The following RAP1GDS1 variants were observed in gnomAD, a reference collection of about 807,000 sequenced individuals.
The protein encoded by RAP1GDS1 is RAP1, GTP-GDP dissociation stimulator 1.
A neutral mutation model predicts 71.1 loss-of-function variants in RAP1GDS1; 35 were observed. The ratio of observed to expected loss-of-function variants is 0.49; its 90% CI spans 0.38 to 0.65. The LOEUF (loss-of-function observed/expected upper bound fraction) is 0.65, where lower values mean the gene tolerates loss of function less well. Ranked by LOEUF, RAP1GDS1 falls within the 30% of genes least tolerant of loss-of-function variation. The pLI, the probability that RAP1GDS1 is intolerant of heterozygous loss-of-function variation, is 0.00. For missense variants in RAP1GDS1, 663 were observed against 706.1 expected (o/e 0.94, Z 0.69); for synonymous variants, 229 against 243.1 (o/e 0.94, Z 0.54).
intron 12 of RAP1GDS1, among the ~76,000 whole-genome samples, 199 bp from the exon 13 acceptor site, chr4:98,433,737 A>T (rs1750773073): frequency 6.6e-6 from 1 of 152,178 alleles, no homozygotes; most frequent in Non-Finnish European, 1.5e-5. Flanking sequence ...TAGGCAATTT[A>T]AGTTGTCATC....
chr4:98,426,941 C>G (rs372714794), intron 12 of RAP1GDS1, among the ~76,000 whole-genome samples: 1 of 152,030 alleles, frequency 6.6e-6, no homozygotes, highest in East Asian at 1.9e-4. Context: ...GACCAAAATC[C>G]CTGATGAACA....
At chr4:98,340,872 A>T (rs1735411607) in intron 2 of RAP1GDS1, among the ~76,000 whole-genome samples, 1 of 152,074 alleles carries the variant, frequency 6.6e-6, no homozygotes, top group Non-Finnish European at 1.5e-5. Context: ...GACCTACTTG[A>T]GGAGGGAGGG....
intron 12 of RAP1GDS1, among the ~76,000 whole-genome samples, chr4:98,422,426 C>A (rs534455641): frequency 6.6e-6 from 1 of 151,348 alleles, no homozygotes; most frequent in Admixed American, 6.6e-5. Flanking sequence ...CCATGTTGGC[C>A]AGGCTGGCCT....
intron 13 of RAP1GDS1, 92 bp from the exon 14 acceptor site, chr4:98,436,848 G>T (rs6831386): frequency 0.016 from 20,970 of 1,285,368 alleles, 650 homozygotes; most frequent in African/African-American, 0.13. Context: ...CATTTAGAAG[G>T]TTTCGTATGG....
rs143026838 is a variant in RAP1GDS1 at position 98,358,956 on chromosome 4, A to G, written c.361+6355A>G. On this transcript the variant is annotated intron_variant, in intron 4 of 14. Coordinates refer to ENST00000408927, the MANE Select transcript of RAP1GDS1 (RefSeq NM_001100427.2). ...TCTAAATAAAAAGTTTTAAAACCTC[A>G]CCTATCCAGAAAGCATATATATTCT... 5.3e-3 allele frequency among the ~76,000 whole-genome samples: 809 copies of G among 151,878 alleles called. 3 individuals are homozygous for G. Among genetic ancestry groups the G allele is most frequent in the Non-Finnish European group, 9.1e-3 (618 of 67,900 alleles).
chr4:98,438,507 CTTCT>C (rs1276971107), intron 14 of RAP1GDS1, among the ~76,000 whole-genome samples: 2 of 137,692 alleles, frequency 1.5e-5, no homozygotes, highest in African/African-American at 2.7e-5. Context: ...TGTCACATTT[CTTCT>C]TTATTTCTGA....
chr4:98,343,602 T>C (rs1735805334), intron 3 of RAP1GDS1, among the ~76,000 whole-genome samples: 1 of 152,220 alleles, frequency 6.6e-6, no homozygotes, highest in Non-Finnish European at 1.5e-5. Context: ...TTTTTAAATA[T>C]TTATGTTTGT....
chr4:98,326,419 C>T (rs528036218), intron 2 of RAP1GDS1, among the ~76,000 whole-genome samples: 125 of 152,274 alleles, frequency 8.2e-4, no homozygotes, highest in African/African-American at 2.9e-3. Flanking sequence ...TCTTGAACCT[C>T]ATTCGATAAC....
At chr4:98,389,716 A>T (rs905574338) in intron 5 of RAP1GDS1, among the ~76,000 whole-genome samples, 1 of 152,176 alleles carries the variant, frequency 6.6e-6, no homozygotes, top group African/African-American at 2.4e-5. Flanking sequence ...GCGCTATAAC[A>T]TTTCTTTACT....
intron 4 of RAP1GDS1, among the ~76,000 whole-genome samples, chr4:98,353,406 G>A (rs970522797): frequency 3.3e-5 from 5 of 151,962 alleles, no homozygotes; most frequent in Admixed American, 6.6e-5. Flanking sequence ...TGTTTAACTC[G>A]GATGAGTTAT....
At chr4:98,320,432 G>T (rs545493818) in intron 2 of RAP1GDS1, among the ~76,000 whole-genome samples, 6 of 152,128 alleles carry the variant, frequency 3.9e-5, no homozygotes, top group South Asian at 4.1e-4. Flanking sequence ...TTCAGTGTAG[G>T]GGGGAGGAGC....
chr4:98,340,019 T>C (rs532227996), intron 2 of RAP1GDS1, among the ~76,000 whole-genome samples: 1 of 143,296 alleles, frequency 7.0e-6, no homozygotes, highest in South Asian at 2.2e-4. Context: ...TATTAAAAAG[T>C]CAAAAAATAA....
At chr4:98,277,593 A>G (rs1332483925) in intron 1 of RAP1GDS1, among the ~76,000 whole-genome samples, 1 of 152,020 alleles carries the variant, frequency 6.6e-6, no homozygotes, top group Non-Finnish European at 1.5e-5. Context: ...TCATAGTCTA[A>G]CTCATTAAGA....
intron 5 of RAP1GDS1, 38 bp from the exon 6 acceptor site, chr4:98,391,914 C>CT (rs1553994840): frequency 3.9e-6 from 6 of 1,536,534 alleles, no homozygotes; most frequent in Non-Finnish European, 5.2e-6. Context: ...CATGTCAACA[C>CT]TTTCTTTTCT....
intron 4 of RAP1GDS1, among the ~76,000 whole-genome samples, chr4:98,352,902 A>T (rs553247179): frequency 6.6e-6 from 1 of 152,336 alleles, no homozygotes; most frequent in African/African-American, 2.4e-5. Flanking sequence ...GCATCTTCTC[A>T]ATTAGGTTTC....
rs939555025 is a variant in RAP1GDS1, at chr4:98,381,548, C to T, written c.508+2385C>T. On this transcript the variant is annotated intron_variant, in intron 5 of 14. Coordinates refer to ENST00000408927, the MANE Select transcript of RAP1GDS1 (RefSeq NM_001100427.2). ...CTGACTCAGATTGTTTGGTATTGAT[C>T]ATGTGTACCTAGATAAGTCCCTGAA... Among the ~76,000 whole-genome samples, 83 of 151,502 alleles carry T rather than the reference C, an allele frequency of 5.5e-4. 1 individual carries two copies. The highest frequency in any genetic ancestry group is 3.2e-3 in the Middle Eastern group (1 of 316).
chr4:98,289,363 T>C (rs2110271542), intron 1 of RAP1GDS1, among the ~76,000 whole-genome samples: 1 of 152,132 alleles, frequency 6.6e-6, no homozygotes, highest in African/African-American at 2.4e-5. Flanking sequence ...CCATGCTAGA[T>C]GTGGAAAATG....
intron 5 of RAP1GDS1, among the ~76,000 whole-genome samples, chr4:98,389,074 C>T (rs1022549607): frequency 6.7e-6 from 1 of 149,000 alleles, no homozygotes; most frequent in Non-Finnish European, 1.5e-5. Context: ...TGCTGGTGTT[C>T]ATGCTAAAAT....
chr4:98,343,428 A>G (rs1735780562), intron 3 of RAP1GDS1, 167 bp downstream of exon 3: 3 of 817,892 alleles, frequency 3.7e-6, no homozygotes, highest in East Asian at 3.1e-5. Context: ...GGCTATAGTT[A>G]CAGTCATTCA....
Sources: allele counts gnomAD v4.1 joint callset (sites outside exome capture counted in the v4.1 genomes callset), GRCh38; gene constraint gnomAD v4.1.1; transcripts MANE v1.5; gene names NCBI Gene and HGNC (gene_info 2026-07-23, HGNC 2026-07-21).